CHSY3: variants seen among roughly 807,000 people sequenced by gnomAD.
CHSY3 encodes the protein chondroitin sulfate synthase 3, also known as N-acetylgalactosaminyl-proteoglycan 3-beta-glucuronosyltransferase 3.
Under a neutral mutation model 67.2 loss-of-function variants are expected in CHSY3, and 35 were observed. The observed-to-expected ratio is 0.52, with a 90% confidence interval of 0.40 to 0.69. The LOEUF is 0.69. Among genes scored for constraint, CHSY3 ranks in the 30% least tolerant of loss-of-function variants. CHSY3 has a pLI of 0.00. For synonymous variants in CHSY3, 474 were observed against 434.7 expected, an observed-to-expected ratio of 1.09 and a Z score of -1.12; for missense variants, 1,069 against 1,138.5, an observed-to-expected ratio of 0.94 and a Z score of 0.88.
chr5:129,969,704 G>T (rs182175556), intron 2 of CHSY3, among the ~76,000 whole-genome samples: 54 of 151,842 alleles, frequency 3.6e-4, no homozygotes, highest in Admixed American at 3.1e-3. Context: ...TTTTCTCCCC[G>T]ATCTTAAATA....
chr5:130,018,404 C>G (rs569635245), intron 2 of CHSY3, among the ~76,000 whole-genome samples: 1 of 152,158 alleles, frequency 6.6e-6, no homozygotes, highest in South Asian at 2.1e-4. Context: ...CCCTGCATCT[C>G]CAGCTATTTA....
intron 2 of CHSY3, among the ~76,000 whole-genome samples, chr5:130,139,536 G>C (rs145527969): frequency 5.0e-4 from 76 of 152,302 alleles, no homozygotes; most frequent in African/African-American, 1.6e-3. Flanking sequence ...TTTGAGAATA[G>C]GAGCTGCTTT....
chr5:130,059,040 C>T (rs551013111), intron 2 of CHSY3, among the ~76,000 whole-genome samples: 1 of 152,086 alleles, frequency 6.6e-6, no homozygotes, highest in African/African-American at 2.4e-5. Flanking sequence ...GGGTCAGACA[C>T]TTGTCTAGAT....
At chr5:130,173,480 G>T (rs1769955629) in intron 2 of CHSY3, among the ~76,000 whole-genome samples, 2 of 152,192 alleles carry the variant, frequency 1.3e-5, no homozygotes, top group African/African-American at 4.8e-5. Flanking sequence ...CAAGTACTCT[G>T]TGTATGGGTG....
chr5:129,984,299 T>G (rs935989111), intron 2 of CHSY3, among the ~76,000 whole-genome samples: 6 of 152,138 alleles, frequency 3.9e-5, no homozygotes, highest in Non-Finnish European at 8.8e-5. Context: ...TCTATTCCTG[T>G]GTTAATTCAG....
At chr5:129,929,226 C>T (rs189449800) in intron 2 of CHSY3, among the ~76,000 whole-genome samples, 1 of 152,288 alleles carries the variant, frequency 6.6e-6, no homozygotes, top group East Asian at 1.9e-4. Flanking sequence ...GAGCTAGAGT[C>T]ACTTTGTTGT....
chr5:130,096,954 T>C (rs1403312490), intron 2 of CHSY3, among the ~76,000 whole-genome samples: 1 of 152,240 alleles, frequency 6.6e-6, no homozygotes, highest in African/African-American at 2.4e-5. Flanking sequence ...CGTTTTGTGA[T>C]CTATAATACT....
At chr5:130,028,683 G>T (rs527433860) in intron 2 of CHSY3, among the ~76,000 whole-genome samples, 3 of 152,068 alleles carry the variant, frequency 2.0e-5, no homozygotes, top group African/African-American at 7.2e-5. Flanking sequence ...TGGAGAGGGT[G>T]CTGGAAAAAA....
intron 2 of CHSY3, among the ~76,000 whole-genome samples, chr5:130,028,395 A>G (rs1379469083): frequency 6.6e-6 from 1 of 152,136 alleles, no homozygotes; most frequent in African/African-American, 2.4e-5. Flanking sequence ...CCTGACAAAA[A>G]CAAGAAATGG....
intron 2 of CHSY3, among the ~76,000 whole-genome samples, chr5:130,078,570 A>C (rs79305267): frequency 0.011 from 1,726 of 152,296 alleles, 26 homozygotes; most frequent in African/African-American, 0.038. Context: ...TAGATATTCA[A>C]AACCCTCAGC....
chr5:130,131,093 C>T (rs1227969558), intron 2 of CHSY3, among the ~76,000 whole-genome samples: 1 of 152,138 alleles, frequency 6.6e-6, no homozygotes, highest in Non-Finnish European at 1.5e-5. Flanking sequence ...CTCACATATT[C>T]CCAGAAAGGA....
chr5:129,919,467 TA>T (rs1317778230), intron 2 of CHSY3, among the ~76,000 whole-genome samples: 1 of 152,132 alleles, frequency 6.6e-6, no homozygotes, highest in Non-Finnish European at 1.5e-5. Flanking sequence ...AAAAGAGGTT[TA>T]ATGGACTCAC....
At chr5:129,945,916 C>G (rs1268257239) in intron 2 of CHSY3, among the ~76,000 whole-genome samples, 1 of 151,086 alleles carries the variant, frequency 6.6e-6, no homozygotes, top group South Asian at 2.1e-4. Context: ...TTTTTTTATT[C>G]TGTAGATGTG....
intron 2 of CHSY3, among the ~76,000 whole-genome samples, chr5:130,033,169 C>T (rs1764749706): frequency 6.6e-6 from 1 of 152,198 alleles, no homozygotes; most frequent in Non-Finnish European, 1.5e-5. Flanking sequence ...CCTCTAGCAA[C>T]TCTGTTGATA....
chr5:130,076,869 T>C (rs1766277896), intron 2 of CHSY3, among the ~76,000 whole-genome samples: 1 of 150,092 alleles, frequency 6.7e-6, no homozygotes, highest in African/African-American at 2.5e-5. Flanking sequence ...ACACCGCATA[T>C]TCTCACTCAT....
intron 2 of CHSY3, among the ~76,000 whole-genome samples, chr5:130,039,080 C>T (rs1350527855): frequency 1.3e-5 from 2 of 152,050 alleles, no homozygotes; most frequent in Admixed American, 6.6e-5. Context: ...ATTTTCAAGA[C>T]ATTTTTCTTA....
At chr5:130,139,284 C>G (rs1410763270) in intron 2 of CHSY3, among the ~76,000 whole-genome samples, 1 of 152,070 alleles carries the variant, frequency 6.6e-6, no homozygotes, top group Non-Finnish European at 1.5e-5. Flanking sequence ...CCAAGGAGGT[C>G]CGTTTAGCAA....
At chr5:129,905,898 T>A (rs1760274063) in intron 1 of CHSY3, 3 of 693,824 alleles carry the variant, frequency 4.3e-6, no homozygotes, top group Non-Finnish European at 4.5e-6. Context: ...CTCGCGCTTG[T>A]CCCTTAGTCT....
intron 2 of CHSY3, among the ~76,000 whole-genome samples, chr5:130,160,891 A>ATT (rs1171885849): frequency 1.8e-4 from 25 of 138,274 alleles, no homozygotes; most frequent in Non-Finnish European, 2.3e-4. Context: ...TTATTTATTT[A>ATT]TTTATTTTTT....
Sources: allele counts gnomAD v4.1 joint callset (sites outside exome capture counted in the v4.1 genomes callset), GRCh38; gene constraint gnomAD v4.1.1; transcripts MANE v1.5; gene names NCBI Gene and HGNC (gene_info 2026-07-23, HGNC 2026-07-21).